PEMT: variants seen among roughly 807,000 people sequenced by gnomAD.
PEMT encodes phosphatidylethanolamine N-methyltransferase.
PEMT carries 23 observed loss-of-function variants against 27.4 expected under a neutral mutation model. The ratio of observed to expected loss-of-function variants is 0.84; its 90% confidence interval spans 0.60 to 1.19. The LOEUF (loss-of-function observed/expected upper bound fraction) is 1.19. Ranked by LOEUF, PEMT falls within the 50% of genes most tolerant of loss-of-function variation. The probability of loss-of-function intolerance (pLI) is 0.00; values close to 1 mark genes in which losing one functional copy is unlikely to be tolerated. For synonymous variants in PEMT, 137 were observed against 139.1 expected, an observed-to-expected ratio of 0.98 and a Z score of 0.11; for missense variants, 307 against 310.1, an observed-to-expected ratio of 0.99 and a Z score of 0.07.
chr17:17,518,124 G>A (rs773258336), intron 3 of PEMT: 3 of 985,504 alleles, frequency 3.0e-6, no homozygotes, highest in South Asian at 4.7e-5. Flanking sequence ...AGGCAATTCC[G>A]ATGTGCGCTG....
At chr17:17,576,586 A>G (rs1324608175) in intron 2 of PEMT, among the ~76,000 whole-genome samples, 2 of 152,330 alleles carry the variant, frequency 1.3e-5, no homozygotes, top group East Asian at 1.9e-4. Flanking sequence ...CACTTCATGC[A>G]TGAGAAGGCC....
At chr17:17,558,682 G>GAAAA (rs141641212) in intron 2 of PEMT, among the ~76,000 whole-genome samples, 11 of 95,548 alleles carry the variant, frequency 1.2e-4, no homozygotes, top group African/African-American at 3.3e-4. Flanking sequence ...CCAGTCTCAC[G>GAAAA]AAAAAAAAAA....
chr17:17,578,694 T>G (rs1256542355), intron 1 of PEMT: 1 of 152,080 alleles, frequency 6.6e-6, no homozygotes, highest in Non-Finnish European at 1.5e-5. Flanking sequence ...GTATGGCCCC[T>G]GCACAAGGGT....
At chr17:17,570,399 G>C in intron 2 of PEMT, 1 of 573,818 alleles carries the variant, frequency 1.7e-6, no homozygotes, top group Non-Finnish European at 2.2e-6. Flanking sequence ...GGCAATGTCT[G>C]GAAACCACTC....
At chr17:17,531,311 G>C (rs1258808177) in intron 2 of PEMT, among the ~76,000 whole-genome samples, 1 of 151,538 alleles carries the variant, frequency 6.6e-6, no homozygotes, top group Non-Finnish European at 1.5e-5. Flanking sequence ...AGGTTGCTAG[G>C]ACACTAACGC....
At chr17:17,557,545 T>A (rs1910144961) in intron 2 of PEMT, among the ~76,000 whole-genome samples, 1 of 152,234 alleles carries the variant, frequency 6.6e-6, no homozygotes, top group African/African-American at 2.4e-5. Flanking sequence ...AGCAGGTCCC[T>A]GCAGCCTCCG....
intron 2 of PEMT, among the ~76,000 whole-genome samples, chr17:17,550,904 G>A (rs1909614202): frequency 6.6e-6 from 1 of 152,250 alleles, no homozygotes; most frequent in Non-Finnish European, 1.5e-5. Flanking sequence ...GGCAGTGGGT[G>A]CAGAAGGGAA....
At chr17:17,584,824 C>G (rs930703141) in intron 1 of PEMT, among the ~76,000 whole-genome samples, 1 of 152,248 alleles carries the variant, frequency 6.6e-6, no homozygotes, top group Non-Finnish European at 1.5e-5. Flanking sequence ...CGTGCCACGG[C>G]GGGCAGCCAT....
rs11301881 is a variant in PEMT, at chr17:17,556,378, CTT to C, written c.204+20540_204+20541del. ...CTTCCTTCCTGCTCTCTCTCTCTCA[CTT>C]TTTTTTTTTTTTAGACGGAGTCTCG... On this transcript the variant is annotated intron_variant, in intron 2 of 6. Transcript: ENST00000255389. Among the ~76,000 whole-genome samples the C allele has an allele frequency of 2.5e-3, 367 of 145,682 alleles. 2 individuals are homozygous for C. Among genetic ancestry groups the C allele is most frequent in the African/African-American group, 5.9e-3 (232 of 39,616 alleles).
intron 1 of PEMT, chr17:17,577,296 C>T: frequency 4.2e-6 from 2 of 470,742 alleles, no homozygotes; most frequent in East Asian, 4.5e-5. Flanking sequence ...GTGCCTGGCA[C>T]CCTGAAGGGA....
intron 2 of PEMT, among the ~76,000 whole-genome samples, chr17:17,541,057 G>T (rs1270721826): frequency 6.6e-6 from 1 of 152,192 alleles, no homozygotes; most frequent in African/African-American, 2.4e-5. Context: ...CTGAGACGGG[G>T]ACAGAGCCAC....
At chr17:17,550,638 A>G (rs1257443932) in intron 2 of PEMT, among the ~76,000 whole-genome samples, 2 of 152,210 alleles carry the variant, frequency 1.3e-5, no homozygotes, top group Non-Finnish European at 2.9e-5. Flanking sequence ...AACAGTTTTT[A>G]GTTGACAATT....
chr17:17,586,223 A>G (rs1298014865), intron 1 of PEMT, among the ~76,000 whole-genome samples: 1 of 58,234 alleles, frequency 1.7e-5, no homozygotes, highest in Admixed American at 1.6e-4. Context: ...AGAAAAAGAA[A>G]GAAAGAAAGA....
At chr17:17,522,177 C>T in intron 3 of PEMT, 103 bp downstream of exon 3, 1 of 812,170 alleles carries the variant, frequency 1.2e-6, no homozygotes, top group Non-Finnish European at 2.0e-6. Context: ...CCCCTGAGTG[C>T]TCAGACACAA....
At chr17:17,539,497 C>T (rs1258973281) in intron 2 of PEMT, among the ~76,000 whole-genome samples, 1 of 152,192 alleles carries the variant, frequency 6.6e-6, no homozygotes, top group Non-Finnish European at 1.5e-5. Context: ...GCGATGCGCC[C>T]AGGGTGTCAC....
chr17:17,518,871 CCAGG>C (rs1449216413), intron 3 of PEMT, among the ~76,000 whole-genome samples: 1 of 152,096 alleles, frequency 6.6e-6, no homozygotes. Flanking sequence ...GATGACTGCT[CCAGG>C]CCTATAGGGT....
intron 1 of PEMT, chr17:17,577,520 T>C (rs1038132872): frequency 1.0e-6 from 1 of 996,768 alleles, no homozygotes; most frequent in Non-Finnish European, 1.2e-6. Context: ...TGGGGCGGGG[T>C]AAACTGAAAA....
intron 2 of PEMT, among the ~76,000 whole-genome samples, chr17:17,527,920 C>A (rs1907796623): frequency 6.6e-6 from 1 of 152,226 alleles, no homozygotes; most frequent in African/African-American, 2.4e-5. Flanking sequence ...CTAAATCTGC[C>A]TAATACCCAG....
intron 6 of PEMT, 100 bp downstream of exon 6, chr17:17,506,127 A>G: frequency 9.0e-7 from 1 of 1,117,036 alleles, no homozygotes; most frequent in Non-Finnish European, 1.3e-6. Context: ...GGCTGACGGC[A>G]GCCTGTCCTG....
Sources: gnomAD v4.1 joint callset for allele counts (sites outside exome capture counted in the v4.1 genomes callset) on GRCh38, gnomAD v4.1.1 for gene constraint, MANE v1.5 for transcripts, NCBI Gene and HGNC (gene_info 2026-07-23, HGNC 2026-07-21) for gene names.